The following SSH2 variants were observed in gnomAD, a reference collection of about 807,000 sequenced individuals.
The protein encoded by SSH2 is protein phosphatase Slingshot homolog 2.
Under a neutral mutation model 135.2 loss-of-function variants are expected in SSH2, and 37 were observed. The observed-to-expected ratio is 0.27, with a 90% confidence interval of 0.21 to 0.36. The LOEUF is 0.36. Ranked by LOEUF, SSH2 falls within the 10% of genes least tolerant of loss-of-function variation. The pLI, the probability that SSH2 is intolerant of heterozygous loss-of-function variation, is 1.00. For missense variants in SSH2, 1,408 were observed against 1,765.3 expected (o/e 0.80, Z 3.63); for synonymous variants, 628 against 646.2 (o/e 0.97, Z 0.43).
intron 1 of SSH2, chr17:29,925,088 G>A (rs1285602133): frequency 1.3e-5 from 2 of 152,980 alleles, no homozygotes; most frequent in African/African-American, 4.8e-5. Context: ...GTCACTTTCA[G>A]CCAAGTCTTT....
At chr17:29,728,232 C>T (rs2040065843) in intron 3 of SSH2, among the ~76,000 whole-genome samples, 1 of 152,022 alleles carries the variant, frequency 6.6e-6, no homozygotes, top group African/African-American at 2.4e-5. Flanking sequence ...AATCGGCATA[C>T]AAAAATCAGT....
At chr17:29,695,287 G>A (rs2038679015) in intron 5 of SSH2, among the ~76,000 whole-genome samples, 172 bp downstream of exon 5, 1 of 152,018 alleles carries the variant, frequency 6.6e-6, no homozygotes, top group African/African-American at 2.4e-5. Flanking sequence ...TTACAAATTG[G>A]TGCTTACCAA....
chr17:29,659,838 T>C (rs941999818), intron 11 of SSH2, among the ~76,000 whole-genome samples: 21 of 150,774 alleles, frequency 1.4e-4, no homozygotes, highest in African/African-American at 3.4e-4. Context: ...AGACATTTTA[T>C]ATATATTTTT....
At chr17:29,796,369 C>T (rs1023818918) in intron 2 of SSH2, among the ~76,000 whole-genome samples, 4 of 152,012 alleles carry the variant, frequency 2.6e-5, no homozygotes, top group Admixed American at 2.0e-4. Flanking sequence ...GAGACGGAGT[C>T]TCGCTCTGTT....
intron 1 of SSH2, among the ~76,000 whole-genome samples, chr17:29,926,001 A>G (rs1403036816): frequency 6.6e-6 from 1 of 152,198 alleles, no homozygotes; most frequent in African/African-American, 2.4e-5. Flanking sequence ...AACATCTATT[A>G]TCTAGGAAGA....
intron 3 of SSH2, among the ~76,000 whole-genome samples, chr17:29,704,804 A>G (rs555354204): frequency 6.6e-6 from 1 of 152,264 alleles, no homozygotes; most frequent in African/African-American, 2.4e-5. Flanking sequence ...AAACTAAATA[A>G]GCCTTTCAAG....
chr17:29,641,997 ATAGT>A (rs1437065215), intron 14 of SSH2, among the ~76,000 whole-genome samples: 30 of 149,716 alleles, frequency 2.0e-4, no homozygotes, highest in African/African-American at 7.4e-4. Context: ...CAGGCTGCCT[ATAGT>A]TACTTTTTGG....
chr17:29,908,116 TG>T (rs2066690507), intron 1 of SSH2, among the ~76,000 whole-genome samples: 1 of 151,886 alleles, frequency 6.6e-6, no homozygotes, highest in Admixed American at 6.6e-5. Flanking sequence ...TGCCCAACCC[TG>T]ACAAAACCTT....
intron 4 of SSH2, among the ~76,000 whole-genome samples, chr17:29,701,639 C>T (rs924271610): frequency 2.0e-5 from 3 of 152,012 alleles, no homozygotes; most frequent in East Asian, 1.9e-4. Context: ...GGCATGATCT[C>T]GGCTCACTGT....
chr17:29,706,700 G>A (rs895802872), intron 3 of SSH2, among the ~76,000 whole-genome samples: 4 of 152,132 alleles, frequency 2.6e-5, no homozygotes, highest in African/African-American at 7.2e-5. Flanking sequence ...TATTCACCAG[G>A]CAAAGTAACA....
At chr17:29,878,936 C>G (rs2066085716) in intron 1 of SSH2, among the ~76,000 whole-genome samples, 1 of 152,158 alleles carries the variant, frequency 6.6e-6, no homozygotes, top group Non-Finnish European at 1.5e-5. Flanking sequence ...CATTGATATT[C>G]TGAAGTCAAT....
chr17:29,763,701 TA>T (rs2041375765), intron 3 of SSH2, among the ~76,000 whole-genome samples: 1 of 152,168 alleles, frequency 6.6e-6, no homozygotes, highest in Non-Finnish European at 1.5e-5. Context: ...CTCTTGCATT[TA>T]AAAATGCCAG....
At chr17:29,818,677 T>C (rs2042601773) in intron 2 of SSH2, among the ~76,000 whole-genome samples, 1 of 152,308 alleles carries the variant, frequency 6.6e-6, no homozygotes, top group African/African-American at 2.4e-5. Flanking sequence ...CCCCCTCCTT[T>C]ATGTCTTATT....
chr17:29,783,391 G>C (rs1385452723), intron 3 of SSH2, among the ~76,000 whole-genome samples: 1 of 150,154 alleles, frequency 6.7e-6, no homozygotes, highest in East Asian at 1.9e-4. Context: ...TCCCACAATA[G>C]GCTATCTGCA....
At chr17:29,898,813 C>G (rs1439578603) in intron 1 of SSH2, among the ~76,000 whole-genome samples, 1 of 152,118 alleles carries the variant, frequency 6.6e-6, no homozygotes, top group African/African-American at 2.4e-5. Flanking sequence ...CAAAGCCGGG[C>G]AGAGACACAA....
At chr17:29,858,808 T>C (rs2065709894) in intron 1 of SSH2, among the ~76,000 whole-genome samples, 1 of 152,034 alleles carries the variant, frequency 6.6e-6, no homozygotes, top group African/African-American at 2.4e-5. Flanking sequence ...GCAGTTCAAG[T>C]TTACAGTGAG....
chr17:29,888,533 T>G (rs564739177), intron 1 of SSH2, among the ~76,000 whole-genome samples: 1 of 152,050 alleles, frequency 6.6e-6, no homozygotes, highest in African/African-American at 2.4e-5. Context: ...TCCGTATAAG[T>G]GTAAAGCAAA....
chr17:29,881,171 G>T (rs1352955269), intron 1 of SSH2, among the ~76,000 whole-genome samples: 1 of 152,140 alleles, frequency 6.6e-6, no homozygotes, highest in East Asian at 1.9e-4. Context: ...TATCACAAAT[G>T]AAATGTAAGA....
chr17:29,874,711 G>A (rs1460088166), intron 1 of SSH2, among the ~76,000 whole-genome samples: 1 of 152,010 alleles, frequency 6.6e-6, no homozygotes, highest in Non-Finnish European at 1.5e-5. Flanking sequence ...CTAGTCTTGG[G>A]TATGACCTTA....
Sources: allele counts gnomAD v4.1 joint callset (sites outside exome capture counted in the v4.1 genomes callset), GRCh38; gene constraint gnomAD v4.1.1; transcripts MANE v1.5; gene names NCBI Gene and HGNC (gene_info 2026-07-23, HGNC 2026-07-21).